Variants in ZCCHC14 observed in about 807,000 individuals in gnomAD.
ZCCHC14 encodes the protein zinc finger CCHC domain-containing protein 14.
ZCCHC14 carries 16 observed loss-of-function variants against 85.0 expected under a neutral mutation model. The ratio of observed to expected loss-of-function variants is 0.19; its 90% confidence interval spans 0.13 to 0.29. The LOEUF is 0.29. Ranked by LOEUF, ZCCHC14 falls within the 10% of genes least tolerant of loss-of-function variation. ZCCHC14 has a pLI of 1.00. For missense variants in ZCCHC14, 1,303 were observed against 1,443.5 expected (o/e 0.90, Z 1.58); for synonymous variants, 775 against 630.7 (o/e 1.23, Z -3.43).
intron 2 of ZCCHC14, among the ~76,000 whole-genome samples, chr16:87,446,851 T>A (rs1385748597): frequency 6.6e-6 from 1 of 151,884 alleles, no homozygotes; most frequent in Non-Finnish European, 1.5e-5. Context: ...GCCTGGCTAG[T>A]TTTTTTGTAT....
rs556887565 is a variant in ZCCHC14 at position 87,430,548 on chromosome 16, G to C, written c.768+2580C>G. Among the ~76,000 whole-genome samples, 13 of 147,304 alleles carry C rather than the reference G, an allele frequency of 8.8e-5. No homozygotes were observed. In the East Asian group the frequency reaches 2.6e-3, roughly 29 times the overall value. ...TCTTTTTTTTTTTTTTTGAGATGCA[G>C]TCTCGCTCTGTTGCCCAGGCTGGAG... is the stretch of plus-strand genomic sequence containing the variant. On this transcript the variant is annotated intron_variant, in intron 3 of 12. Transcript: ENST00000671377.
At chr16:87,467,464 T>C in intron 1 of ZCCHC14, 1 of 1,606,934 alleles carries the variant, frequency 6.2e-7, no homozygotes. Flanking sequence ...GTTCACGGTG[T>C]GAGTACCTCT....
rs548478025 is a variant in ZCCHC14 at position 87,409,197 on chromosome 16, T to C, written c.*1083A>G. ...AATACACAGCCTAATACAAAAGAAG[T>C]TGACAGGAGAAAATTCCCAATCTTT... On this transcript the variant is annotated 3_prime_UTR_variant, in exon 13 of 13. Transcript: ENST00000671377. The C allele has an allele frequency of 2.6e-5, 4 of 152,226 alleles. No homozygotes were observed. The highest frequency in any genetic ancestry group is 5.9e-5 in the Non-Finnish European group (4 of 68,040). The allele number at this position is 152,226 out of a possible 1,614,324, so 9.4% of individuals were successfully genotyped here. A position where few individuals can be genotyped will look rare whatever the true frequency, so the allele number is the denominator to read the frequency against.
chr16:87,424,070 CTCTAAAG>C (rs957706683), intron 3 of ZCCHC14, among the ~76,000 whole-genome samples, 189 bp from the exon 4 acceptor site: 1 of 152,204 alleles, frequency 6.6e-6, no homozygotes, highest in African/African-American at 2.4e-5. Context: ...GCTCCAGGCC[CTCTAAAG>C]TCTAACTTGT....
At chr16:87,470,444 GCA>G in intron 1 of ZCCHC14, 1 of 125,662 alleles carries the variant, frequency 8.0e-6, no homozygotes, top group Non-Finnish European at 1.5e-5. Flanking sequence ...TCATAAAGCT[GCA>G]GGGGGTGGCC....
At chr16:87,455,059 C>T (rs368138104) in intron 2 of ZCCHC14, among the ~76,000 whole-genome samples, 168 of 152,302 alleles carry the variant, frequency 1.1e-3, no homozygotes, top group African/African-American at 3.7e-3. Context: ...GAGGCCGAGG[C>T]GGGCAGATCA....
At chr16:87,470,109 G>A (rs896403533) in intron 1 of ZCCHC14, among the ~76,000 whole-genome samples, 2 of 151,964 alleles carry the variant, frequency 1.3e-5, no homozygotes, top group African/African-American at 4.8e-5. Context: ...TAGACAGGTG[G>A]AACTCCTGAG....
At position 87,420,549 on chromosome 16, in the gene ZCCHC14, C is replaced by A. The variant is rs1909040034; in HGVS notation, c.950+58G>T. The A allele has an allele frequency of 1.4e-6, 2 of 1,434,628 alleles. No individual in the cohort carries two copies. Among genetic ancestry groups the A allele is most frequent in the Admixed American group, 2.0e-5 (1 of 50,828 alleles). The allele number at this position is 1,434,628 out of a possible 1,614,324, so 88.9% of individuals were successfully genotyped here. On this transcript the variant is annotated intron_variant, in intron 5 of 12. Coordinates refer to ENST00000671377, the MANE Select transcript of ZCCHC14 (RefSeq NM_015144.3). This position sits in a 1 kb window ranked among gnomAD's most constrained non-coding sequence, Gnocchi z 5.0. ...CCTTGGAGGACCACAGCATTGACCA[C>A]AGGACCAGCCTGTCCTTGCCAGCTG...
intron 2 of ZCCHC14, among the ~76,000 whole-genome samples, chr16:87,455,075 G>C (rs1156827624): frequency 6.6e-6 from 1 of 152,196 alleles, no homozygotes; most frequent in Non-Finnish European, 1.5e-5. Context: ...GATCACCTGA[G>C]GTCGGGAATT....
intron 2 of ZCCHC14, among the ~76,000 whole-genome samples, chr16:87,441,813 A>G (rs1432446291): frequency 3.3e-5 from 5 of 152,252 alleles, no homozygotes; most frequent in Non-Finnish European, 7.3e-5. Flanking sequence ...ACTGAACTAA[A>G]GATGATCTAT....
intron 2 of ZCCHC14, among the ~76,000 whole-genome samples, chr16:87,445,589 C>T (rs1179866735): frequency 6.6e-6 from 1 of 152,178 alleles, no homozygotes; most frequent in Non-Finnish European, 1.5e-5. Context: ...TTTTAACAGG[C>T]CACCATGTGA....
At chr16:87,418,391 C>A (rs1908907633) in intron 7 of ZCCHC14, among the ~76,000 whole-genome samples, 1 of 152,206 alleles carries the variant, frequency 6.6e-6, no homozygotes, top group Non-Finnish European at 1.5e-5. Flanking sequence ...CGCGCCCAGA[C>A]AACATCTCCA....
At chr16:87,422,043 G>C (rs562171571) in intron 4 of ZCCHC14, among the ~76,000 whole-genome samples, 17 of 152,302 alleles carry the variant, frequency 1.1e-4, no homozygotes, top group African/African-American at 3.6e-4. Context: ...ACTTTAAACA[G>C]CTATGATGGA....
chr16:87,456,532 C>CAAAAAA (rs1567531853), intron 2 of ZCCHC14, among the ~76,000 whole-genome samples: 1 of 7,830 alleles, frequency 1.3e-4, no homozygotes, highest in African/African-American at 1.5e-4. Context: ...GACTCTGTCT[C>CAAAAAA]CAAAAAAAAA....
chr16:87,464,919 A>C (rs1471306492), intron 1 of ZCCHC14, among the ~76,000 whole-genome samples: 1 of 152,216 alleles, frequency 6.6e-6, no homozygotes, highest in Non-Finnish European at 1.5e-5. Context: ...GGGAAGACTG[A>C]CCGGCTCCAA....
intron 1 of ZCCHC14, chr16:87,471,799 C>G (rs1288459333): frequency 1.3e-5 from 2 of 152,358 alleles, no homozygotes; most frequent in East Asian, 3.9e-4. Context: ...TCCCATAAAA[C>G]AGGGTTCAAA....
intron 1 of ZCCHC14, among the ~76,000 whole-genome samples, chr16:87,475,981 C>G (rs1161597352): frequency 6.6e-6 from 1 of 152,194 alleles, no homozygotes; most frequent in Non-Finnish European, 1.5e-5. Context: ...GACAGTCCAT[C>G]TTAAAGCCAG....
At chr16:87,457,052 G>T (rs145421424) in intron 2 of ZCCHC14, among the ~76,000 whole-genome samples, 3 of 152,270 alleles carry the variant, frequency 2.0e-5, no homozygotes, top group Non-Finnish European at 4.4e-5. Flanking sequence ...TCAACACAGG[G>T]ACTGGAGCGC....
chr16:87,460,217 T>A lies in ZCCHC14; in HGVS notation c.571-86A>T. ...TATTTGTTAATTAAGTCTTTCATAA[T>A]TACCTTGGTTTCCATTTTTCTACAA... On this transcript the variant is annotated intron_variant, in intron 1 of 12. Transcript: ENST00000671377. The A allele has an allele frequency of 2.0e-6, 3 of 1,501,036 alleles. No homozygotes were observed. The Admixed American group carries it at 6.3e-5, about 32-fold the overall frequency. The allele number at this position is 1,501,036 out of a possible 1,614,324, so 93.0% of individuals were successfully genotyped here.
Sources: allele counts gnomAD v4.1 joint callset (sites outside exome capture counted in the v4.1 genomes callset), GRCh38; gene constraint gnomAD v4.1.1; non-coding constraint Gnocchi (gnomAD v3.1); transcripts MANE v1.5; gene names NCBI Gene and HGNC (gene_info 2026-07-23, HGNC 2026-07-21).